The following SH3PXD2A variants were observed in gnomAD, a reference collection of about 807,000 sequenced individuals.
SH3PXD2A encodes SH3 and PX domains 2A, also known as SH3 and PX domain-containing protein 2A.
In SH3PXD2A, 32 loss-of-function variants were observed where a neutral mutation model predicts 115.2. That is an observed-to-expected ratio of 0.28 (90% CI 0.21 to 0.37). The LOEUF is 0.37. Among genes scored for constraint, SH3PXD2A ranks in the 10% least tolerant of loss-of-function variants. The pLI is 1.00. For synonymous variants in SH3PXD2A, 610 were observed against 629.1 expected (o/e 0.97, Z 0.45); for missense variants, 1,328 against 1,498.7 (o/e 0.89, Z 1.88).
chr10:103,731,584 G>C (rs1418065437), intron 4 of SH3PXD2A, among the ~76,000 whole-genome samples: 1 of 152,206 alleles, frequency 6.6e-6, no homozygotes, highest in African/African-American at 2.4e-5. Context: ...GGTTCCCCCA[G>C]AGAACCAGGC....
rs1466793287 is a variant in SH3PXD2A, at chr10:103,627,366, C to G, written c.605-164G>C. On this transcript the variant is annotated intron_variant, in intron 8 of 14. Transcript: ENST00000369774. This position sits in a 1 kb window ranked among gnomAD's most constrained non-coding sequence, Gnocchi z 4.4. ...CTGGCCCAGCTCCAGCCTCGAGGAG[C>G]CTGCGTCTGTTCTAAGGCAGAAACG... is the stretch of plus-strand genomic sequence containing the variant. 6.6e-6 allele frequency among the ~76,000 whole-genome samples: 1 copy of G among 152,188 alleles called. No homozygotes were observed. The highest frequency in any genetic ancestry group is 2.1e-4 in the South Asian group (1 of 4,828).
Position 103,661,084 on chromosome 10 carries a change from A to G in SH3PXD2A, c.503T>C (p.Leu168Pro), listed in dbSNP as rs2037291614. The change falls in exon 8 of 15, where the codon CTG becomes CCG. Residue 168 changes from leucine (L) to proline (P), a missense_variant. Leu to Pro is a moderately conservative substitution (Grantham distance 98). Around this residue, in one of 5 missense-constraint regions of SH3PXD2A, gnomAD observed 90 missense variants for 71.1 expected, o/e 1.27. Transcript: ENST00000369774. ...GADATAEPMI[L>P]EQYVVVSNYK... is the part of the protein sequence containing the mutation. ...GTTGGACACCACCACGTACTGTTCC[A>G]GGATCATGGGCTCGGCGGTGGCGTC... 3.1e-6 allele frequency: 5 copies of G among 1,613,818 alleles called. No homozygotes were observed. The South Asian group carries it at 4.4e-5, about 14-fold the overall frequency.
intron 1 of SH3PXD2A, among the ~76,000 whole-genome samples, chr10:103,805,313 A>G (rs894041207): frequency 1.3e-5 from 2 of 152,082 alleles, no homozygotes; most frequent in Non-Finnish European, 2.9e-5. Context: ...GAAGCAGCAG[A>G]CTCTGGAGTT....
chr10:103,816,467 C>T (rs2039324710), intron 1 of SH3PXD2A, among the ~76,000 whole-genome samples: 1 of 152,326 alleles, frequency 6.6e-6, no homozygotes. Context: ...TATCATTTCA[C>T]ATGCACTGGG....
chr10:103,693,468 G>A (rs911893636), intron 5 of SH3PXD2A: 6 of 152,076 alleles, frequency 3.9e-5, no homozygotes, highest in Non-Finnish European at 7.4e-5. Flanking sequence ...CCCGCCACCG[G>A]AGCGGTTCAC....
chr10:103,702,596 C>CGTGTGTGTGTGTGTGTGTGTGTGT (rs6144056), intron 5 of SH3PXD2A, among the ~76,000 whole-genome samples: 10,690 of 147,400 alleles, frequency 0.073, 558 homozygotes, highest in Non-Finnish European at 0.099. Flanking sequence ...TGTGTGTGTG[C>CGTGTGTGTGTGTGTGTGTGTGTGT]GTGTGTGTGT....
intron 2 of SH3PXD2A, among the ~76,000 whole-genome samples, chr10:103,775,254 C>CCTT (rs2038866821): frequency 6.6e-6 from 1 of 152,188 alleles, no homozygotes. Context: ...AACATGCAAG[C>CCTT]CTTCACTACT....
chr10:103,815,728 A>G (rs1401071577), intron 1 of SH3PXD2A, among the ~76,000 whole-genome samples: 1 of 151,768 alleles, frequency 6.6e-6, no homozygotes, highest in African/African-American at 2.4e-5. Flanking sequence ...GTCTCTACTA[A>G]AAATACAAGA....
At position 103,855,224 on chromosome 10, in the gene SH3PXD2A, C is replaced by G; in HGVS notation, c.43G>C (p.Glu15Gln). 6.5e-7 allele frequency: 1 copy of G among 1,538,576 alleles called. No individual in the cohort carries two copies. The highest frequency in any genetic ancestry group is 8.8e-7 in the Non-Finnish European group (1 of 1,140,810). ...TGCTTGGAGGGGTTCCTCCGCTTCT[C>G]CACGTCCACCACGGTGGCATCCTGC... ...CVQDATVVDVEKRRNPSKHYV... is the reference protein window; with the variant it reads ...CVQDATVVDVQKRRNPSKHYV... The change falls in exon 1 of 15, where the codon GAG (glutamate) becomes CAG (glutamine). Residue 15 changes from glutamate to glutamine, a missense_variant. By Grantham distance (29) the Glu-to-Gln change is conservative. Transcript: ENST00000369774.
intron 6 of SH3PXD2A, among the ~76,000 whole-genome samples, chr10:103,688,673 C>T (rs948467296): frequency 6.6e-6 from 1 of 152,114 alleles, no homozygotes; most frequent in Non-Finnish European, 1.5e-5. Flanking sequence ...ACTGGTGTGG[C>T]TGAGCAGTGT....
At chr10:103,742,502 C>T (rs1316801884) in intron 3 of SH3PXD2A, among the ~76,000 whole-genome samples, 1 of 152,214 alleles carries the variant, frequency 6.6e-6, no homozygotes, top group Non-Finnish European at 1.5e-5. Context: ...AGGCCAGATT[C>T]ACAGGTTTCA....
chr10:103,802,456 G>C (rs985363729), intron 1 of SH3PXD2A, among the ~76,000 whole-genome samples: 1 of 152,230 alleles, frequency 6.6e-6, no homozygotes, highest in Admixed American at 6.5e-5. Flanking sequence ...TCTCCATCAG[G>C]CTCTGCCAGA....
chr10:103,667,444 A>G (rs1423247985), intron 7 of SH3PXD2A, among the ~76,000 whole-genome samples: 1 of 152,228 alleles, frequency 6.6e-6, no homozygotes, highest in Non-Finnish European at 1.5e-5. Context: ...CTGTGGGCCA[A>G]GTGGGCTCTG....
chr10:103,755,357 A>C (rs2038628797), intron 3 of SH3PXD2A: 1 of 152,260 alleles, frequency 6.6e-6, no homozygotes, highest in African/African-American at 2.4e-5. Flanking sequence ...GGGGATTATG[A>C]TGGAGCTTCA....
At chr10:103,719,860 C>T (rs2038160248) in intron 5 of SH3PXD2A, among the ~76,000 whole-genome samples, 1 of 151,836 alleles carries the variant, frequency 6.6e-6, no homozygotes. Flanking sequence ...GCTGGGATTA[C>T]AGGCACGTGC....
rs1019365753 is a variant in SH3PXD2A at position 103,635,428 on chromosome 10, G to A, written c.605-8226C>T. 5.3e-5 allele frequency among the ~76,000 whole-genome samples: 8 copies of A among 152,204 alleles called. No individual in the cohort carries two copies. The South Asian group carries it at 8.3e-4, about 16-fold the overall frequency. On this transcript the variant is annotated intron_variant, in intron 8 of 14. Transcript: ENST00000369774. Reference sequence around the variant, plus strand: ...CTGGCAGTCAGGCCCTCTGATACCCGCCAGGGCGTTTGATGCCTGCCAGGG... The same window carrying A: ...CTGGCAGTCAGGCCCTCTGATACCCACCAGGGCGTTTGATGCCTGCCAGGG...
rs202220340 is a variant in SH3PXD2A at position 103,661,163 on chromosome 10, C to T, written c.473-49G>A. The T allele has an allele frequency of 1.3e-5, 20 of 1,594,414 alleles. No individual in the cohort carries two copies. In the African/African-American group the frequency reaches 1.9e-4, roughly 15 times the overall value. ...GTGAGCCAGCGGCCAGCCATGGCCC[C>T]GCGGCCAGGGCGCCCCCTGTCCATC... On this transcript the variant is annotated intron_variant, in intron 7 of 14. Coordinates refer to ENST00000369774, the MANE Select transcript of SH3PXD2A (RefSeq NM_001394015.1).
In SH3PXD2A at chr10:103,602,520, C is replaced by G. The variant is rs756410726; in HGVS notation, c.2698G>C (p.Glu900Gln). The G allele has an allele frequency of 6.2e-7, 1 of 1,614,038 alleles. No homozygotes were observed. The highest frequency in any genetic ancestry group is 1.3e-5 in the African/African-American group (1 of 74,926). Residue 900 changes from glutamate to glutamine, a missense_variant, in exon 15 of 15, where the codon GAG (glutamate) becomes CAG (glutamine). Glu to Gln is a conservative substitution (Grantham distance 29). Coordinates refer to ENST00000369774, the MANE Select transcript of SH3PXD2A (RefSeq NM_001394015.1). ...TCTTTGCCAGAGGGGTCAGGTTGCT[C>G]GTTCTCATCCAGCACCAAATAGTGG... ...PSHYLVLDEN[E>Q]QPDPSGKELD...
chr10:103,811,451 T>C (rs1316896508), intron 1 of SH3PXD2A, among the ~76,000 whole-genome samples: 14 of 152,206 alleles, frequency 9.2e-5, no homozygotes, highest in Non-Finnish European at 1.9e-4. Flanking sequence ...AATAGTCCTA[T>C]GAGAAAAGTG....
Sources: allele counts gnomAD v4.1 joint callset (sites outside exome capture counted in the v4.1 genomes callset), GRCh38; gene constraint gnomAD v4.1.1; regional missense constraint gnomAD v4.1.1; non-coding constraint Gnocchi (gnomAD v3.1); transcripts MANE v1.5; gene names NCBI Gene and HGNC (gene_info 2026-07-23, HGNC 2026-07-21).